SEMA3A: variants seen among roughly 807,000 people sequenced by gnomAD.
The protein encoded by SEMA3A is semaphorin-3A.
Under a neutral mutation model 97.9 loss-of-function variants are expected in SEMA3A, and 29 were observed. The ratio of observed to expected loss-of-function variants is 0.30; its 90% CI spans 0.22 to 0.40. The LOEUF (loss-of-function observed/expected upper bound fraction) is 0.40. Ranked by LOEUF, SEMA3A falls within the 10% of genes least tolerant of loss-of-function variation. SEMA3A has a pLI of 1.00. For missense variants in SEMA3A, 763 were observed against 951.3 expected (o/e 0.80, Z 2.60); for synonymous variants, 321 against 323.7 (o/e 0.99, Z 0.09).
At position 84,399,441 on chromosome 7, in the gene SEMA3A, C is replaced by T. The variant is rs142393518; in HGVS notation, c.-245-27541G>A. 2.6e-5 allele frequency among the ~76,000 whole-genome samples: 4 copies of T among 152,310 alleles called. No individual in the cohort carries two copies. In the East Asian group the frequency reaches 7.7e-4, roughly 29 times the overall value. Reference sequence around the variant, plus strand: ...GCTCAGGGTACAACCCAGCATGACACTAGCTGCAGTGGCCATGGGAGAGCC... The same window carrying T: ...GCTCAGGGTACAACCCAGCATGACATTAGCTGCAGTGGCCATGGGAGAGCC... On this transcript the variant is annotated intron_variant, in intron 1 of 3. Coordinates refer to the SEMA3A transcript ENST00000424555.
intron 1 of SEMA3A, among the ~76,000 whole-genome samples, chr7:84,429,516 T>TTTTATATATG (rs1554385260): frequency 5.5e-5 from 4 of 72,420 alleles, no homozygotes; most frequent in Admixed American, 2.0e-4. Context: ...ATAGAGTTTG[T>TTTTATATATG]TATATATATA....
chr7:84,212,167 C>T (rs1206416367), intron 3 of SEMA3A, among the ~76,000 whole-genome samples: 1 of 152,134 alleles, frequency 6.6e-6, no homozygotes, highest in Non-Finnish European at 1.5e-5. Context: ...GGAGACCAAA[C>T]TACAAGAGAA....
At chr7:84,448,976 C>T (rs1286579873) in intron 1 of SEMA3A, among the ~76,000 whole-genome samples, 1 of 152,074 alleles carries the variant, frequency 6.6e-6, no homozygotes, top group African/African-American at 2.4e-5. Flanking sequence ...AAAATAAATA[C>T]TCATGAAATA....
At chr7:84,086,963 GT>G (rs1821132077) in intron 4 of SEMA3A, among the ~76,000 whole-genome samples, 1 of 151,910 alleles carries the variant, frequency 6.6e-6, no homozygotes, top group African/African-American at 2.4e-5. Flanking sequence ...TCTTTCAAGA[GT>G]CTTCATAATT....
At chr7:84,247,831 T>C (rs1799512380) in intron 3 of SEMA3A, among the ~76,000 whole-genome samples, 1 of 152,106 alleles carries the variant, frequency 6.6e-6, no homozygotes, top group South Asian at 2.1e-4. Flanking sequence ...TAGAAGAACT[T>C]AAAAAACTAC....
chr7:84,335,022 A>T (rs991775674), intron 2 of SEMA3A, among the ~76,000 whole-genome samples: 2 of 152,158 alleles, frequency 1.3e-5, no homozygotes, highest in Non-Finnish European at 2.9e-5. Context: ...CATGCTGTAT[A>T]TATTTTCTAC....
At chr7:84,423,211 A>G (rs955028528) in intron 1 of SEMA3A, among the ~76,000 whole-genome samples, 1 of 148,034 alleles carries the variant, frequency 6.8e-6, no homozygotes, top group Non-Finnish European at 1.5e-5. Flanking sequence ...TTCTCATACC[A>G]TTAGAATACT....
At chr7:84,095,751 CTAA>C (rs1794755274) in intron 4 of SEMA3A, among the ~76,000 whole-genome samples, 1 of 151,698 alleles carries the variant, frequency 6.6e-6, no homozygotes, top group East Asian at 1.9e-4. Flanking sequence ...GGTTGCTTCT[CTAA>C]TGTTTCCAAT....
At chr7:84,115,640 C>T (rs1269259251) in intron 3 of SEMA3A, among the ~76,000 whole-genome samples, 1 of 152,068 alleles carries the variant, frequency 6.6e-6, no homozygotes, top group African/African-American at 2.4e-5. Context: ...GTGTGCCATT[C>T]ATTTGCATGA....
chr7:83,966,667 T>G (rs1184673189), intron 15 of SEMA3A, among the ~76,000 whole-genome samples: 1 of 152,184 alleles, frequency 6.6e-6, no homozygotes, highest in African/African-American at 2.4e-5. Context: ...TTTTATATTT[T>G]GTTAGGTTCT....
At chr7:84,180,046 A>G (rs1241482794) in intron 1 of SEMA3A, among the ~76,000 whole-genome samples, 1 of 147,342 alleles carries the variant, frequency 6.8e-6, no homozygotes, top group Non-Finnish European at 1.5e-5. Flanking sequence ...TCCCGGGTTC[A>G]AGCGATTCTC....
At chr7:83,990,644 T>C (rs1216753759) in intron 12 of SEMA3A, among the ~76,000 whole-genome samples, 1 of 146,340 alleles carries the variant, frequency 6.8e-6, no homozygotes, top group Non-Finnish European at 1.5e-5. Flanking sequence ...TGTGGCTCTA[T>C]TTCTGAGGGC....
intron 3 of SEMA3A, among the ~76,000 whole-genome samples, chr7:84,234,092 T>C (rs550084375): frequency 2.0e-5 from 3 of 152,148 alleles, no homozygotes; most frequent in African/African-American, 7.2e-5. Context: ...GGAACCTGCA[T>C]AAAAAGTAAA....
intron 1 of SEMA3A, among the ~76,000 whole-genome samples, chr7:84,476,284 G>A (rs1293822938): frequency 6.6e-5 from 10 of 151,484 alleles, no homozygotes; most frequent in South Asian, 6.3e-4. Context: ...GCTTCAACCC[G>A]GGAGGCGGAG....
intron 1 of SEMA3A, among the ~76,000 whole-genome samples, chr7:84,389,643 A>G (rs1205400016): frequency 6.6e-6 from 1 of 152,106 alleles, no homozygotes; most frequent in African/African-American, 2.4e-5. Flanking sequence ...CTTCCTATAT[A>G]CAATACAGGA....
chr7:84,070,731 CT>C (rs768299970), intron 4 of SEMA3A, among the ~76,000 whole-genome samples: 43 of 151,974 alleles, frequency 2.8e-4, no homozygotes, highest in Non-Finnish European at 5.9e-4. Context: ...GAATATTCCC[CT>C]GGTCATGCCA....
At chr7:84,062,572 C>A (rs79244837) in intron 4 of SEMA3A, among the ~76,000 whole-genome samples, 149 of 152,280 alleles carry the variant, frequency 9.8e-4, no homozygotes, top group African/African-American at 3.4e-3. Context: ...GCACCACGCG[C>A]GAGCCGAAGC....
chr7:84,384,978 G>A (rs1196302903), intron 1 of SEMA3A, among the ~76,000 whole-genome samples: 1 of 151,990 alleles, frequency 6.6e-6, no homozygotes, highest in Non-Finnish European at 1.5e-5. Context: ...TGGCTGAGAT[G>A]TGAGAGCTTC....
intron 1 of SEMA3A, among the ~76,000 whole-genome samples, chr7:84,428,557 T>A (rs1362990090): frequency 2.0e-5 from 3 of 152,066 alleles, no homozygotes; most frequent in Non-Finnish European, 2.9e-5. Context: ...TCTTTGAATA[T>A]TGTCCTATTT....
Sources: allele counts gnomAD v4.1 joint callset (sites outside exome capture counted in the v4.1 genomes callset), GRCh38; gene constraint gnomAD v4.1.1; transcripts MANE v1.5; gene names NCBI Gene and HGNC (gene_info 2026-07-23, HGNC 2026-07-21).